NUP62CL: variants seen among roughly 807,000 people sequenced by gnomAD.
The protein encoded by NUP62CL is nucleoporin-62 C-terminal-like protein.
A neutral mutation model predicts 15.3 loss-of-function variants in NUP62CL; 13 were observed. The ratio of observed to expected loss-of-function variants is 0.85; its 90% CI spans 0.55 to 1.35. The LOEUF (loss-of-function observed/expected upper bound fraction) is 1.35, where lower values mean the gene tolerates loss of function less well. NUP62CL is among the 40% of genes most tolerant of loss of function. The pLI is 0.00. For synonymous variants in NUP62CL, 54 were observed against 49.2 expected (o/e 1.10, Z -0.41); for missense variants, 123 against 130.6 (o/e 0.94, Z 0.28).
At chrX:107,155,691 T>C (rs1247290222) in intron 4 of NUP62CL, among the ~76,000 whole-genome samples, 1 of 111,243 alleles carries the variant, frequency 9.0e-6, no homozygotes, top group African/African-American at 3.3e-5. Flanking sequence ...GAAAAAAAAA[T>C]ATGAAAATAG....
chrX:107,155,762 A>G (rs1367396824), intron 4 of NUP62CL, among the ~76,000 whole-genome samples: 1 of 112,649 alleles, frequency 8.9e-6, no homozygotes, highest in Admixed American at 9.3e-5. Context: ...AAAATTACCT[A>G]TCATAGGGGA....
chrX:107,169,734 A>G (rs1284055627), intron 3 of NUP62CL, among the ~76,000 whole-genome samples: 1 of 111,983 alleles, frequency 8.9e-6, no homozygotes, highest in South Asian at 3.7e-4. Flanking sequence ...AAAATTAATG[A>G]TAATGCCAAT....
At chrX:107,185,653 C>T (rs1379876518) in intron 2 of NUP62CL, among the ~76,000 whole-genome samples, 1 of 110,591 alleles carries the variant, frequency 9.0e-6, no homozygotes, top group Non-Finnish European at 1.9e-5. Flanking sequence ...TTCACATAAC[C>T]AATAGGAAGG....
intron 1 of NUP62CL, among the ~76,000 whole-genome samples, chrX:107,195,007 C>T (rs992297552): frequency 1.9e-5 from 2 of 107,283 alleles, no homozygotes; most frequent in African/African-American, 3.4e-5. Flanking sequence ...AGTGGAGACT[C>T]GGTTTCACTG....
intron 2 of NUP62CL, among the ~76,000 whole-genome samples, chrX:107,177,612 C>G (rs776753651): frequency 9.0e-6 from 1 of 111,409 alleles, no homozygotes; most frequent in African/African-American, 3.3e-5. Flanking sequence ...AAATGGCCAA[C>G]AAAGCACATG....
chrX:107,203,889 T>C, intron 1 of NUP62CL, among the ~76,000 whole-genome samples: 1 of 111,460 alleles, frequency 9.0e-6, no homozygotes, highest in Non-Finnish European at 1.9e-5. Context: ...ACCAGTGTTT[T>C]AAAATACTCT....
At chrX:107,187,162 T>C (rs1185632919) in intron 2 of NUP62CL, among the ~76,000 whole-genome samples, 1 of 110,594 alleles carries the variant, frequency 9.0e-6, no homozygotes, top group Non-Finnish European at 1.9e-5. Context: ...AAAATGAAAA[T>C]ACATCCTATC....
intron 2 of NUP62CL, among the ~76,000 whole-genome samples, chrX:107,190,823 A>C (rs1172507261): frequency 9.1e-6 from 1 of 110,024 alleles, no homozygotes; most frequent in Non-Finnish European, 1.9e-5. Context: ...CATGGAAACA[A>C]TATTGAAACT....
intron 4 of NUP62CL, among the ~76,000 whole-genome samples, chrX:107,164,815 C>T (rs1926470523): frequency 8.8e-6 from 1 of 113,097 alleles, no homozygotes; most frequent in African/African-American, 3.2e-5. Context: ...CTAAAAGCCC[C>T]TTTAGCTGGG....
intron 4 of NUP62CL, among the ~76,000 whole-genome samples, chrX:107,167,293 TAAAATG>T (rs922063635): frequency 5.1e-4 from 57 of 111,832 alleles, no homozygotes; most frequent in African/African-American, 1.8e-3. Context: ...TTCTCACCTA[TAAAATG>T]AAAATGAAAA....
chrX:107,196,652 G>C (rs974979903), intron 1 of NUP62CL, among the ~76,000 whole-genome samples: 1 of 111,607 alleles, frequency 9.0e-6, no homozygotes, highest in Admixed American at 9.5e-5. Context: ...GTTTCACCAT[G>C]TTGATCAGGC....
At chrX:107,127,032 C>CA (rs973438994) in intron 8 of NUP62CL, among the ~76,000 whole-genome samples, 162 of 81,980 alleles carry the variant, frequency 2.0e-3, no homozygotes, top group African/African-American at 3.9e-3. Context: ...AACTCTGTCT[C>CA]AAAAAAAAAA....
At position 107,123,638 on chromosome X, in the gene NUP62CL, T is replaced by C. The variant is rs1161837117; in HGVS notation, c.*737A>G. On this transcript the variant is annotated 3_prime_UTR_variant, in exon 9 of 9. Transcript: ENST00000372466. ...TACGGAAATCACCAACTATAAATCATATGCTAAAACCAAATAAAATGCCAG... is the reference window on the plus strand; with the variant it reads ...TACGGAAATCACCAACTATAAATCACATGCTAAAACCAAATAAAATGCCAG... 9.0e-6 allele frequency: 1 copy of C among 111,109 alleles called. No homozygotes were observed. The highest frequency in any genetic ancestry group is 1.9e-5 in the Non-Finnish European group (1 of 52,946). 9.2% of individuals were successfully genotyped at this position (111,109 alleles called of 1,213,427 possible).
intron 2 of NUP62CL, among the ~76,000 whole-genome samples, chrX:107,175,782 G>T (rs1569362729): frequency 9.0e-6 from 1 of 111,229 alleles, no homozygotes; most frequent in East Asian, 2.8e-4. Flanking sequence ...CCCAATCAAG[G>T]AATAGAGTAT....
At chrX:107,162,580 A>C (rs751493604) in intron 4 of NUP62CL, among the ~76,000 whole-genome samples, 3 of 112,308 alleles carry the variant, frequency 2.7e-5, no homozygotes, top group Non-Finnish European at 5.6e-5. Context: ...TGAATGAAAA[A>C]AAGTGTCAAC....
intron 3 of NUP62CL, among the ~76,000 whole-genome samples, chrX:107,170,404 T>C (rs1363658343): frequency 1.9e-5 from 2 of 104,182 alleles, no homozygotes; most frequent in East Asian, 3.2e-4. Context: ...AATGGTATGA[T>C]TATTTTAACT....
chrX:107,153,444 A>G lies in NUP62CL; in HGVS notation c.395+10T>C. On this transcript the variant is annotated intron_variant, in intron 6 of 8. Transcript: ENST00000372466. ...TTTAATCTTTCAACCAAGGAAATCT[A>G]AGGTTCTACCTTTTCTGATCCAGTT... The G allele has an allele frequency of 8.7e-7, 1 of 1,155,816 alleles. No individual in the cohort carries two copies. The highest frequency in any genetic ancestry group is 2.9e-5 in the Admixed American group (1 of 34,832).
intron 3 of NUP62CL, 69 bp downstream of exon 3, chrX:107,175,020 T>C: frequency 2.5e-6 from 2 of 807,304 alleles, no homozygotes. Flanking sequence ...ATCTGTAGCA[T>C]ATACTGGCAA....
rs1245464215 is a variant in NUP62CL, at chrX:107,205,040, T to G, written c.-92+1233A>C. Among the ~76,000 whole-genome samples, 3 of 110,709 alleles carry G rather than the reference T, an allele frequency of 2.7e-5. No individual in the cohort carries two copies. The East Asian group carries it at 8.4e-4, about 31-fold the overall frequency. On this transcript the variant is annotated intron_variant, in intron 1 of 8. Transcript: ENST00000372466. ...CATTAGGGTGTTGTGGTGTACATTT[T>G]TTAAAATGTAATGGAAATTATCAGA...
Sources: gnomAD v4.1 joint callset for allele counts (sites outside exome capture counted in the v4.1 genomes callset) on GRCh38, gnomAD v4.1.1 for gene constraint, MANE v1.5 for transcripts, NCBI Gene and HGNC (gene_info 2026-07-23, HGNC 2026-07-21) for gene names.